The following DMXL1 variants were observed in gnomAD, a reference collection of about 807,000 sequenced individuals.
The protein encoded by DMXL1 is dmX-like protein 1.
In DMXL1, 99 loss-of-function variants were observed where a neutral mutation model predicts 319.2. The observed-to-expected ratio is 0.31, with a 90% CI of 0.26 to 0.37. The LOEUF is 0.37. DMXL1 is among the 10% of genes least tolerant of loss of function. DMXL1 has a pLI of 1.00. For missense variants in DMXL1, 3,745 were observed against 3,595.6 expected (o/e 1.04, Z -1.06); for synonymous variants, 1,385 against 1,235.2 (o/e 1.12, Z -2.54).
intron 6 of DMXL1, among the ~76,000 whole-genome samples, chr5:119,115,348 A>G (rs1391315427): frequency 1.3e-5 from 2 of 152,190 alleles, no homozygotes; most frequent in Non-Finnish European, 2.9e-5. Flanking sequence ...GATACTAGTA[A>G]CCATTTCTTT....
intron 3 of DMXL1, among the ~76,000 whole-genome samples, chr5:119,104,909 A>G (rs1186737776): frequency 6.6e-6 from 1 of 152,240 alleles, no homozygotes; most frequent in Non-Finnish European, 1.5e-5. Context: ...TAAAGTAATA[A>G]TTAAATCTGA....
chr5:119,173,134 T>A (rs928010595), intron 25 of DMXL1, among the ~76,000 whole-genome samples: 1 of 152,046 alleles, frequency 6.6e-6, no homozygotes, highest in Non-Finnish European at 1.5e-5. Context: ...AGGCCAGGAA[T>A]TCAAGACCAG....
At chr5:119,173,776 G>GTATATATGTATATATATATATATATA (rs1554127643) in intron 25 of DMXL1, among the ~76,000 whole-genome samples, 1 of 67,170 alleles carries the variant, frequency 1.5e-5, no homozygotes, top group Non-Finnish European at 2.9e-5. Context: ...ATGTGTGTGT[G>GTATATATGTATATATATATATATATA]TATATATATA....
At chr5:119,189,648 C>A in intron 28 of DMXL1, 60 bp from the exon 29 acceptor site, 1 of 1,499,594 alleles carries the variant, frequency 6.7e-7, no homozygotes, top group South Asian at 1.2e-5. Context: ...TATGTAAACA[C>A]AGGTGAAATA....
chr5:119,150,448 AT>A, intron 18 of DMXL1, 27 bp downstream of exon 18: 1 of 1,549,646 alleles, frequency 6.5e-7, no homozygotes, highest in Non-Finnish European at 8.7e-7. Flanking sequence ...TACTGATAAC[AT>A]TTTTACTTAC....
At chr5:119,230,571 A>C (rs1303847027) in intron 38 of DMXL1, among the ~76,000 whole-genome samples, 4 of 152,184 alleles carry the variant, frequency 2.6e-5, no homozygotes, top group Non-Finnish European at 5.9e-5. Context: ...ACAAAATATC[A>C]AACTCAGTCG....
At chr5:119,229,175 C>CA (rs1323344765) in intron 38 of DMXL1, among the ~76,000 whole-genome samples, 1 of 141,902 alleles carries the variant, frequency 7.0e-6, no homozygotes, top group East Asian at 2.1e-4. Flanking sequence ...AAAAAAAAGA[C>CA]AAAAAAACAA....
Position 119,122,132 on chromosome 5 carries a change from G to T in DMXL1, c.1102+993G>T, listed in dbSNP as rs557083659. On this transcript the variant is annotated intron_variant, in intron 9 of 43. Coordinates refer to ENST00000539542, the MANE Select transcript of DMXL1 (RefSeq NM_001290321.3). The stretch of plus-strand genomic sequence containing the variant: ...CCCGGACGGGGCGGCTGGCCGGGCG[G>T]GGGGCTGACCCCCCCACCTCCCTCC... Among the ~76,000 whole-genome samples, 5 of 132,488 alleles carry T rather than the reference G, an allele frequency of 3.8e-5. No homozygotes were observed. In the East Asian group the frequency reaches 9.0e-4, roughly 24 times the overall value. The allele number at this position is 132,488 out of a possible 152,430, so 86.9% of individuals were successfully genotyped here.
intron 3 of DMXL1, 124 bp from the exon 4 acceptor site, chr5:119,105,056 G>C (rs1758034916): frequency 1.6e-6 from 1 of 644,456 alleles, no homozygotes; most frequent in Non-Finnish European, 2.8e-6. Flanking sequence ...TGACTGAACT[G>C]AACATTTTGT....
intron 42 of DMXL1, 93 bp from the exon 43 acceptor site, chr5:119,244,266 C>T: frequency 3.2e-6 from 3 of 942,714 alleles, no homozygotes; most frequent in Non-Finnish European, 4.7e-6. Flanking sequence ...GGCAGGATTG[C>T]AAATCTGGTC....
intron 7 of DMXL1, among the ~76,000 whole-genome samples, 166 bp downstream of exon 7, chr5:119,116,502 A>G (rs557227085): frequency 2.6e-5 from 4 of 152,326 alleles, no homozygotes; most frequent in South Asian, 2.1e-4. Context: ...CTGTGGCTCA[A>G]CTATGTTTGA....
At chr5:119,127,310 T>G (rs969751373) in intron 9 of DMXL1, 1 of 215,154 alleles carries the variant, frequency 4.6e-6, no homozygotes, top group Non-Finnish European at 9.8e-6. Context: ...AATGGTAGTA[T>G]TATTGGCTAC....
intron 30 of DMXL1, 71 bp downstream of exon 30, chr5:119,194,041 T>G (rs1779168045): frequency 9.0e-7 from 1 of 1,115,584 alleles, no homozygotes; most frequent in Non-Finnish European, 1.2e-6. Flanking sequence ...TTGAAAAAAT[T>G]ACATGTGAAA....
chr5:119,175,841 A>G (rs932397855), intron 26 of DMXL1, among the ~76,000 whole-genome samples: 1 of 152,120 alleles, frequency 6.6e-6, no homozygotes, highest in African/African-American at 2.4e-5. Flanking sequence ...ATAAAGTTTT[A>G]CTGAAATTTA....
intron 28 of DMXL1, among the ~76,000 whole-genome samples, chr5:119,181,215 C>G (rs1032872220): frequency 6.6e-6 from 1 of 152,048 alleles, no homozygotes; most frequent in African/African-American, 2.4e-5. Context: ...TTATTTAACC[C>G]CAAGTAAAAA....
In DMXL1 at chr5:119,118,974, C is replaced by T; in HGVS notation, c.903C>T (p.Ser301=). 6.2e-7 allele frequency: 1 copy of T among 1,612,162 alleles called. No individual in the cohort carries two copies. Among genetic ancestry groups the T allele is most frequent in the Non-Finnish European group, 8.5e-7 (1 of 1,179,352 alleles). The stretch of plus-strand genomic sequence containing the variant: ...CAAATAACTTCAAGAGAAATGCTTC[C>T]AGTAAAGAACGAGTTCAAAATGCTT... The part of the protein sequence containing the change: ...NLTNNFKRNA[S]SKERVQNALE... The change falls in exon 8 of 44, where the codon TCC becomes TCT. Residue 301 remains serine, a synonymous_variant. Transcript: ENST00000539542.
chr5:119,089,691 T>C (rs890691208), intron 1 of DMXL1, among the ~76,000 whole-genome samples: 5 of 149,626 alleles, frequency 3.3e-5, no homozygotes, highest in Admixed American at 2.0e-4. Flanking sequence ...AATGGCGCAA[T>C]CTTGTCTCAC....
intron 5 of DMXL1, among the ~76,000 whole-genome samples, chr5:119,112,470 T>C (rs1345053730): frequency 1.3e-5 from 2 of 152,152 alleles, no homozygotes; most frequent in Admixed American, 1.3e-4. Context: ...TAACAGGATT[T>C]AAGTGAAACT....
At chr5:119,075,332 C>G (rs892761700) in intron 1 of DMXL1, among the ~76,000 whole-genome samples, 1 of 151,022 alleles carries the variant, frequency 6.6e-6, no homozygotes, top group African/African-American at 2.4e-5. Flanking sequence ...CTCCGCCTCC[C>G]GGGTTCAAGC....
Sources: allele counts gnomAD v4.1 joint callset (sites outside exome capture counted in the v4.1 genomes callset), GRCh38; gene constraint gnomAD v4.1.1; transcripts MANE v1.5; gene names NCBI Gene and HGNC (gene_info 2026-07-23, HGNC 2026-07-21).